FRK: variants seen among roughly 807,000 people sequenced by gnomAD.
FRK encodes fyn related Src family tyrosine kinase, also known as tyrosine-protein kinase FRK.
In FRK, 51 loss-of-function variants were observed where a neutral mutation model predicts 56.4. The observed-to-expected ratio is 0.90, with a 90% confidence interval of 0.72 to 1.14. The LOEUF (loss-of-function observed/expected upper bound fraction) is 1.14. Among genes scored for constraint, FRK ranks in the 50% most tolerant of loss-of-function variants. FRK has a pLI of 0.00. For missense variants in FRK, 570 were observed against 601.4 expected (o/e 0.95, Z 0.55); for synonymous variants, 245 against 217.9 (o/e 1.12, Z -1.10).
rs892757923 is a variant in FRK at position 115,932,920 on chromosome 6, C to T, written c.*9494G>A. The T allele has an allele frequency of 2.0e-5, 3 of 152,092 alleles. No homozygotes were observed. Among genetic ancestry groups the T allele is most frequent in the African/African-American group, 7.2e-5 (3 of 41,384 alleles). 9.4% of individuals were successfully genotyped at this position (152,092 alleles called of 1,614,324 possible). On this transcript the variant is annotated 3_prime_UTR_variant, in exon 8 of 8. Coordinates refer to ENST00000606080, the MANE Select transcript of FRK (RefSeq NM_002031.3). The stretch of plus-strand genomic sequence containing the variant: ...GAGGGTGAGCCTAGCCTGATGTTAC[C>T]CCACAGGCTAGTTCTTTGTCTGTCT...
At chr6:116,009,267 T>TTAAA (rs1159296789) in intron 1 of FRK, among the ~76,000 whole-genome samples, 2 of 152,194 alleles carry the variant, frequency 1.3e-5, no homozygotes, top group African/African-American at 4.8e-5. Flanking sequence ...TAAGCTGAAC[T>TTAAA]TAAAATATGC....
chr6:116,053,542 C>A (rs951267165), intron 1 of FRK, among the ~76,000 whole-genome samples: 6 of 152,080 alleles, frequency 3.9e-5, no homozygotes, highest in Admixed American at 3.9e-4. Context: ...AGAGACAAAC[C>A]ATGGAATTAA....
At position 115,993,522 on chromosome 6, in the gene FRK, T is replaced by C. The variant is rs562426798; in HGVS notation, c.466+10355A>G. The stretch of plus-strand genomic sequence containing the variant: ...TTTGCTTGAAACACTGTATTTTCAA[T>C]CTGCCAACACGAATTTAAACATTAA... On this transcript the variant is annotated intron_variant, in intron 2 of 7. Transcript: ENST00000606080. 2.0e-5 allele frequency among the ~76,000 whole-genome samples: 3 copies of C among 151,984 alleles called. No individual in the cohort carries two copies. The East Asian group carries it at 5.8e-4, about 29-fold the overall frequency.
At chr6:116,010,535 G>A (rs905215473) in intron 1 of FRK, among the ~76,000 whole-genome samples, 4 of 152,148 alleles carry the variant, frequency 2.6e-5, no homozygotes, top group Non-Finnish European at 4.4e-5. Flanking sequence ...AATGAGCAGC[G>A]AAACAGATGG....
intron 1 of FRK, among the ~76,000 whole-genome samples, chr6:116,012,686 T>C (rs1439294399): frequency 2.0e-5 from 3 of 152,232 alleles, no homozygotes; most frequent in South Asian, 2.1e-4. Flanking sequence ...TATAGTCTTC[T>C]GGTTTATACT....
chr6:116,004,454 C>G (rs757735575), intron 1 of FRK, among the ~76,000 whole-genome samples: 1 of 152,082 alleles, frequency 6.6e-6, no homozygotes, highest in Non-Finnish European at 1.5e-5. Context: ...TGTTAAAGTA[C>G]GAAGGATTAA....
chr6:115,940,088 G>T lies in FRK; in HGVS notation c.*2326C>A, dbSNP rs746417377. On this transcript the variant is annotated 3_prime_UTR_variant, in exon 8 of 8. Transcript: ENST00000606080. ...TACCTGACTTCAAACTATACTACAA[G>T]GCTACAGTAAACAAAACAGCATGGT... 3.3e-5 allele frequency: 5 copies of T among 152,136 alleles called. No homozygotes were observed. Among genetic ancestry groups the T allele is most frequent in the African/African-American group, 4.8e-5 (2 of 41,412 alleles). 9.4% of individuals were successfully genotyped at this position (152,136 alleles called of 1,614,324 possible). A position where few individuals can be genotyped will look rare whatever the true frequency, so the allele number is the denominator to read the frequency against.
At chr6:116,091,835 T>C in the FRK span, among the ~76,000 whole-genome samples, 1 of 152,176 alleles carries the variant, frequency 6.6e-6, no homozygotes, top group African/African-American at 2.4e-5. Flanking sequence ...ACTTCTGGGC[T>C]GAGCCGAGGG....
rs1424578243 is a variant in FRK at position 115,937,467 on chromosome 6, A to G, written c.*4947T>C. The stretch of plus-strand genomic sequence containing the variant: ...CATCATATGACAGAATCAAATTCAC[A>G]CATAACAATACTAACCTTAAATGTA... On this transcript the variant is annotated 3_prime_UTR_variant, in exon 8 of 8. Transcript: ENST00000606080. 2 of 152,226 alleles carry G rather than the reference A, an allele frequency of 1.3e-5. No homozygotes were observed. The highest frequency in any genetic ancestry group is 4.8e-5 in the African/African-American group (2 of 41,464). 9.4% of individuals were successfully genotyped at this position (152,226 alleles called of 1,614,324 possible). A position where few individuals can be genotyped will look rare whatever the true frequency, so the allele number is the denominator to read the frequency against.
rs1340670152 is a variant in FRK at position 115,942,565 on chromosome 6, G to A, written c.1367C>T (p.Ser456Phe). 2.5e-6 allele frequency: 4 copies of A among 1,613,796 alleles called. No individual in the cohort carries two copies. The highest frequency in any genetic ancestry group is 1.1e-5 in the South Asian group (1 of 91,070). Residue 456 changes from serine to phenylalanine, a missense_variant, in exon 8 of 8, where the codon TCC becomes TTC. By Grantham distance (155) the Ser-to-Phe change is radical. Coordinates refer to ENST00000606080, the MANE Select transcript of FRK (RefSeq NM_002031.3). ...GTTGTAAAATTGCTGTGGACAGTTG[G>A]ATGGTTGCGGAAGTCTATAGTTTTG... ...LAQNYRLPQP[S>F]NCPQQFYNIM...
intron 5 of FRK, among the ~76,000 whole-genome samples, chr6:115,951,115 C>A (rs572623888): frequency 3.3e-5 from 5 of 151,992 alleles, no homozygotes; most frequent in African/African-American, 9.7e-5. Context: ...ATGTGTATAC[C>A]TATGTAACAG....
At chr6:116,004,757 T>A (rs1053635367) in intron 1 of FRK, among the ~76,000 whole-genome samples, 1 of 152,176 alleles carries the variant, frequency 6.6e-6, no homozygotes, top group African/African-American at 2.4e-5. Context: ...GAATTATGGA[T>A]CATTAATATC....
rs936757685 is a variant in FRK, at chr6:116,037,070, C to A, written c.344+22898G>T. On this transcript the variant is annotated intron_variant, in intron 1 of 7. Transcript: ENST00000606080. ...TCAGGCACACCCAAATGTATCACTG[C>A]TTTCTTTGTAGACTTTCTGAATCAC... 1.3e-4 allele frequency among the ~76,000 whole-genome samples: 20 copies of A among 152,288 alleles called. 1 individual carries two copies. In the South Asian group the frequency reaches 3.9e-3, roughly 30 times the overall value.
chr6:115,984,109 G>A lies in FRK; in HGVS notation c.467-15370C>T, dbSNP rs116066749. On this transcript the variant is annotated intron_variant, in intron 2 of 7. Transcript: ENST00000606080. ...CTCCTCCTTTATGAAACCGCCCAGT[G>A]TAAGCGAGCAGAGTAGCTCACTTCG... Among the ~76,000 whole-genome samples the A allele has an allele frequency of 2.0e-3, 304 of 152,202 alleles. 4 individuals are homozygous for A. The highest frequency in any genetic ancestry group is 7.0e-3 in the African/African-American group (290 of 41,536).
At chr6:116,008,313 T>C (rs1775330036) in intron 1 of FRK, among the ~76,000 whole-genome samples, 1 of 152,222 alleles carries the variant, frequency 6.6e-6, no homozygotes, top group African/African-American at 2.4e-5. Flanking sequence ...GTATAATAGA[T>C]TGGTACAATT....
the FRK span, among the ~76,000 whole-genome samples, chr6:116,088,964 T>A: frequency 6.6e-6 from 1 of 152,258 alleles, no homozygotes; most frequent in Admixed American, 6.5e-5. Context: ...ATGTTCATAT[T>A]TGGCATACCC....
At chr6:115,984,852 G>T (rs113716170) in intron 2 of FRK, among the ~76,000 whole-genome samples, 2 of 151,630 alleles carry the variant, frequency 1.3e-5, no homozygotes, top group Non-Finnish European at 2.9e-5. Flanking sequence ...AATTTGTTTC[G>T]ATGTGCCGAT....
At chr6:115,956,415 T>C (rs748251014) in intron 5 of FRK, 37 bp downstream of exon 5, 1 of 1,451,536 alleles carries the variant, frequency 6.9e-7, no homozygotes, top group Non-Finnish European at 9.1e-7. Context: ...CTAAATTAAA[T>C]TCCTCTTTTT....
At chr6:116,085,905 G>T in the FRK span, among the ~76,000 whole-genome samples, 1 of 152,166 alleles carries the variant, frequency 6.6e-6, no homozygotes, top group Non-Finnish European at 1.5e-5. Context: ...ATTTCCAGAA[G>T]AGAATAGTAG....
Sources: gnomAD v4.1 joint callset for allele counts (sites outside exome capture counted in the v4.1 genomes callset) on GRCh38, gnomAD v4.1.1 for gene constraint, MANE v1.5 for transcripts, NCBI Gene and HGNC (gene_info 2026-07-23, HGNC 2026-07-21) for gene names.